The following ARHGEF10 variants were observed in gnomAD, a reference collection of about 807,000 sequenced individuals.
ARHGEF10 encodes Rho guanine nucleotide exchange factor 10.
A neutral mutation model predicts 147.4 loss-of-function variants in ARHGEF10; 140 were observed. The ratio of observed to expected loss-of-function variants is 0.95; its 90% confidence interval spans 0.83 to 1.09. The LOEUF (loss-of-function observed/expected upper bound fraction) is 1.09, where lower values mean the gene tolerates loss of function less well. ARHGEF10 is among the 50% of genes least tolerant of loss of function. The pLI is 0.00. For missense variants in ARHGEF10, 2,222 were observed against 1,752.7 expected, an observed-to-expected ratio of 1.27 and a Z score of -4.78; for synonymous variants, 902 against 695.8, an observed-to-expected ratio of 1.30 and a Z score of -4.67.
At chr8:1,894,622 T>G in intron 13 of ARHGEF10, 50 bp downstream of exon 13, 10 of 1,591,770 alleles carry the variant, frequency 6.3e-6, no homozygotes, top group Non-Finnish European at 8.6e-6. Context: ...CATGCACCTG[T>G]CCTCTCTTCC....
At chr8:1,953,032 A>G (rs990260734) in intron 28 of ARHGEF10, among the ~76,000 whole-genome samples, 1 of 152,282 alleles carries the variant, frequency 6.6e-6, no homozygotes, top group Non-Finnish European at 1.5e-5. Flanking sequence ...TAGTAGTCCA[A>G]GGAGAATCTT....
chr8:1,904,926 G>C (rs968665034), intron 16 of ARHGEF10, among the ~76,000 whole-genome samples: 6 of 152,156 alleles, frequency 3.9e-5, no homozygotes, highest in African/African-American at 1.4e-4. Context: ...TTCCGGACCA[G>C]CCTAACCAAC....
At chr8:1,895,526 TAAAAA>T (rs569761802) in intron 13 of ARHGEF10, among the ~76,000 whole-genome samples, 1 of 152,106 alleles carries the variant, frequency 6.6e-6, no homozygotes, top group Non-Finnish European at 1.5e-5. Flanking sequence ...TATGGATCCT[TAAAAA>T]AAGAGAAATA....
At chr8:1,850,583 C>A (rs1357396670) in intron 2 of ARHGEF10, among the ~76,000 whole-genome samples, 2 of 151,120 alleles carry the variant, frequency 1.3e-5, no homozygotes, top group Admixed American at 6.6e-5. Context: ...TGAGGAGGGC[C>A]GGGTGCTGGC....
At chr8:1,928,735 T>G (rs1812881289) in intron 24 of ARHGEF10, 85 bp downstream of exon 24, 1 of 1,460,518 alleles carries the variant, frequency 6.8e-7, no homozygotes, top group Admixed American at 1.9e-5. Context: ...GAAAGAGTCC[T>G]TGACTTTGAC....
In ARHGEF10 at chr8:1,917,099, C is replaced by T. The variant is rs111366272; in HGVS notation, c.2144-5865C>T. On this transcript the variant is annotated intron_variant, in intron 18 of 28. Transcript: ENST00000349830. ...TCTTCAGTTACTAGACCACTACGAA[C>T]AGTGACGTGGAGACATCCTTACACA... is the stretch of plus-strand genomic sequence containing the variant. Among the ~76,000 whole-genome samples the T allele has an allele frequency of 1.8e-3, 274 of 152,346 alleles. 1 individual carries two copies. The highest frequency in any genetic ancestry group is 6.4e-3 in the African/African-American group (268 of 41,588).
At position 1,882,625 on chromosome 8, in the gene ARHGEF10, T is replaced by C. The variant is rs1808303690; in HGVS notation, c.961-10T>C. On this transcript the variant is annotated splice_polypyrimidine_tract_variant and intron_variant, in intron 9 of 28. Coordinates refer to ENST00000349830, the MANE Select transcript of ARHGEF10 (RefSeq NM_014629.4). ...GCCGTCCCGTTCTCACATCTCCCTC[T>C]CCGTCGCAGATGCAGAAGCTCGTGA... 7.7e-6 allele frequency: 12 copies of C among 1,550,970 alleles called. No individual in the cohort carries two copies. The highest frequency in any genetic ancestry group is 1.0e-5 in the Non-Finnish European group (12 of 1,146,512).
Position 1,923,855 on chromosome 8 carries a change from G to T in ARHGEF10, c.2469G>T (p.Gln823His), listed in dbSNP as rs1174184679. ...AIKESWVNSLQMAKLALEEEN... is the reference protein window; with the variant it reads ...AIKESWVNSLHMAKLALEEEN... ...AGGAGTCCTGGGTCAACAGCTTACAGATGGCCAAGCTCGCCCTAGGTAAGG... is the reference window on the plus strand; with the variant it reads ...AGGAGTCCTGGGTCAACAGCTTACATATGGCCAAGCTCGCCCTAGGTAAGG... Residue 823 changes from glutamine to histidine, a missense_variant, in exon 21 of 29, where the codon CAG becomes CAT. By Grantham distance (24) the Gln-to-His change is conservative. Coordinates refer to ENST00000349830, the MANE Select transcript of ARHGEF10 (RefSeq NM_014629.4). 2 of 1,614,058 alleles carry T rather than the reference G, an allele frequency of 1.2e-6. No individual in the cohort carries two copies. The highest frequency in any genetic ancestry group is 1.1e-5 in the South Asian group (1 of 91,094).
chr8:1,828,967 G>A (rs1027529143), intron 1 of ARHGEF10, among the ~76,000 whole-genome samples: 3 of 152,212 alleles, frequency 2.0e-5, no homozygotes, highest in Non-Finnish European at 4.4e-5. Flanking sequence ...CATGAGAAAA[G>A]TGAGTCCAAA....
chr8:1,894,665 T>C (rs1036753039), intron 13 of ARHGEF10, 93 bp downstream of exon 13: 1 of 1,426,688 alleles, frequency 7.0e-7, no homozygotes, highest in Non-Finnish European at 9.8e-7. Flanking sequence ...CCTGATCTCC[T>C]GCAAGCTGAC....
At chr8:1,874,177 C>G (rs1404814973) in intron 7 of ARHGEF10, among the ~76,000 whole-genome samples, 1 of 151,498 alleles carries the variant, frequency 6.6e-6, no homozygotes, top group African/African-American at 2.5e-5. Context: ...GTTAGCAAGA[C>G]CCTTCAAAGT....
intron 9 of ARHGEF10, 104 bp downstream of exon 9, chr8:1,880,268 G>C: frequency 2.5e-6 from 2 of 800,726 alleles, no homozygotes; most frequent in Non-Finnish European, 2.2e-6. Context: ...GTTCTCAAAG[G>C]GTGGTCCGGG....
chr8:1,836,733 C>G (rs1295709833), intron 1 of ARHGEF10, among the ~76,000 whole-genome samples: 2 of 152,136 alleles, frequency 1.3e-5, no homozygotes, highest in African/African-American at 2.4e-5. Flanking sequence ...TGGCTGTGTC[C>G]CCACCCAAAT....
At chr8:1,880,801 G>C (rs1808123705) in intron 9 of ARHGEF10, among the ~76,000 whole-genome samples, 1 of 152,174 alleles carries the variant, frequency 6.6e-6, no homozygotes, top group Non-Finnish European at 1.5e-5. Context: ...CTGGTATTTT[G>C]TGATCATTCA....
intron 27 of ARHGEF10, among the ~76,000 whole-genome samples, chr8:1,951,971 T>C (rs1437960865): frequency 1.5e-4 from 1 of 6,588 alleles, no homozygotes; most frequent in Admixed American, 1.8e-3. Context: ...GGTCTTGGAA[T>C]AGGCCATGCG....
At position 1,928,448 on chromosome 8, in the gene ARHGEF10, A is replaced by C; in HGVS notation, c.2719A>C (p.Met907Leu). 1 of 1,614,102 alleles carries C rather than the reference A, an allele frequency of 6.2e-7. No homozygotes were observed. The highest frequency in any genetic ancestry group is 8.5e-7 in the Non-Finnish European group (1 of 1,180,000). ...TCAGATCGGAAGTTGCACCCATCAA[A>C]TGGGTCAGATTGCCATCGTCTCGTT... is the stretch of plus-strand genomic sequence containing the variant. ...FLWIGSCTHQ[M>L]GQIAIVSFQN... Residue 907 changes from methionine to leucine, a missense_variant, in exon 24 of 29, where the codon ATG (methionine) becomes CTG (leucine). By Grantham distance (15) the Met-to-Leu change is conservative (BLOSUM62 2). Transcript: ENST00000349830.
chr8:1,869,333 C>A (rs766891102), intron 7 of ARHGEF10, 83 bp downstream of exon 7: 10 of 1,173,270 alleles, frequency 8.5e-6, no homozygotes, highest in Middle Eastern at 1.9e-4. Flanking sequence ...ATTTAGTGGA[C>A]GGCCCAGACG....
At chr8:1,952,613 G>T in intron 27 of ARHGEF10, 92 bp from the exon 28 acceptor site, 1 of 1,549,170 alleles carries the variant, frequency 6.5e-7, no homozygotes, top group South Asian at 1.1e-5. Flanking sequence ...GTGGTGGCAC[G>T]ACAGGCCTGT....
chr8:1,846,492 G>A (rs1380967045), intron 2 of ARHGEF10, among the ~76,000 whole-genome samples: 1 of 152,246 alleles, frequency 6.6e-6, no homozygotes, highest in Non-Finnish European at 1.5e-5. Flanking sequence ...TGGGGACACA[G>A]TTGGTGCTGT....
Sources: allele counts gnomAD v4.1 joint callset (sites outside exome capture counted in the v4.1 genomes callset), GRCh38; gene constraint gnomAD v4.1.1; transcripts MANE v1.5; gene names NCBI Gene and HGNC (gene_info 2026-07-23, HGNC 2026-07-21).